Variants in IL1RAPL2 observed in about 807,000 individuals in gnomAD.
IL1RAPL2 encodes the protein X-linked interleukin-1 receptor accessory protein-like 2.
In IL1RAPL2, 3 loss-of-function variants were observed where a neutral mutation model predicts 44.1. That is an observed-to-expected ratio of 0.07 (90% confidence interval 0.03 to 0.18). The LOEUF (loss-of-function observed/expected upper bound fraction) is 0.18, where lower values mean the gene tolerates loss of function less well. IL1RAPL2 is among the 10% of genes least tolerant of loss of function. The probability of loss-of-function intolerance (pLI) is 1.00; values close to 1 mark genes in which losing one functional copy is unlikely to be tolerated. For synonymous variants in IL1RAPL2, 181 were observed against 178.8 expected (o/e 1.01, Z -0.10); for missense variants, 391 against 496.4 (o/e 0.79, Z 2.02).
rs1482006693 is a variant in IL1RAPL2 at position 105,724,649 on chromosome X, T to G, written c.902+7153T>G. Among the ~76,000 whole-genome samples, 3 of 112,061 alleles carry G rather than the reference T, an allele frequency of 2.7e-5. No homozygotes were observed. The Admixed American group carries it at 2.9e-4, about 11-fold the overall frequency. ...CAGAAGATATAATTTATAGAGATGGTAAAATAATTTTATGTGTGCAGTAAC... is the reference window on the plus strand; with the variant it reads ...CAGAAGATATAATTTATAGAGATGGGAAAATAATTTTATGTGTGCAGTAAC... On this transcript the variant is annotated intron_variant, in intron 7 of 10. Coordinates refer to ENST00000372582, the MANE Select transcript of IL1RAPL2 (RefSeq NM_017416.2).
rs904579246 is a variant in IL1RAPL2 at position 104,632,533 on chromosome X, A to G, written c.-19-26362A>G. On this transcript the variant is annotated intron_variant, in intron 1 of 10. Transcript: ENST00000372582. ...TTTATTTCCTTGAGCAGTGGTTTGT[A>G]GTTCTCCTTGAAGAGGTCCTTCACA... Among the ~76,000 whole-genome samples the G allele has an allele frequency of 1.2e-3, 128 of 109,203 alleles. 1 individual carries two copies. The highest frequency in any genetic ancestry group is 1.6e-3 in the Non-Finnish European group (86 of 52,412). The allele number at this position is 109,203 out of a possible 115,157, so 94.8% of individuals were successfully genotyped here.
chrX:105,090,584 A>G (rs1048077416), intron 2 of IL1RAPL2, among the ~76,000 whole-genome samples: 2 of 112,229 alleles, frequency 1.8e-5, no homozygotes, highest in Admixed American at 9.4e-5. Flanking sequence ...ATACATACAG[A>G]CATAGCAGGC....
At chrX:105,312,369 G>A (rs2034804789) in intron 5 of IL1RAPL2, among the ~76,000 whole-genome samples, 1 of 111,813 alleles carries the variant, frequency 8.9e-6, no homozygotes, top group African/African-American at 3.2e-5. Flanking sequence ...TGAATTATTT[G>A]TTGTTACGGC....
In IL1RAPL2 at chrX:105,127,706, C is replaced by G. The variant is rs376185101; in HGVS notation, c.83-67769C>G. ...AAATAATTTCTTCAGGTTTTTATAC[C>G]AAATCTGAACCTTGCCAAATAAGTT... On this transcript the variant is annotated intron_variant, in intron 2 of 10. Transcript: ENST00000372582. 3.8e-4 allele frequency among the ~76,000 whole-genome samples: 42 copies of G among 110,597 alleles called. 3 individuals carry two copies. Among genetic ancestry groups the G allele is most frequent in the Admixed American group, 2.7e-3 (28 of 10,374 alleles).
chrX:105,216,383 C>G (rs1231568184), intron 3 of IL1RAPL2, among the ~76,000 whole-genome samples: 1 of 110,484 alleles, frequency 9.1e-6, no homozygotes, highest in Non-Finnish European at 1.9e-5. Flanking sequence ...GAATAAAATA[C>G]CTAGGAATAC....
At chrX:104,788,368 G>T (rs1932809192) in intron 2 of IL1RAPL2, among the ~76,000 whole-genome samples, 1 of 111,606 alleles carries the variant, frequency 9.0e-6, no homozygotes, top group Non-Finnish European at 1.9e-5. Flanking sequence ...CTCTAAAGTG[G>T]GCCTGCCTTT....
intron 1 of IL1RAPL2, among the ~76,000 whole-genome samples, chrX:104,574,750 G>T (rs1416490937): frequency 9.0e-6 from 1 of 111,631 alleles, no homozygotes; most frequent in Non-Finnish European, 1.9e-5. Context: ...TATTGATATG[G>T]AAATATATCC....
At chrX:104,712,561 A>G (rs759116420) in intron 2 of IL1RAPL2, among the ~76,000 whole-genome samples, 1 of 111,042 alleles carries the variant, frequency 9.0e-6, no homozygotes, top group East Asian at 2.8e-4. Flanking sequence ...GTCCTTGTAA[A>G]TCCCTAGCCC....
At chrX:105,540,567 C>G (rs2043990081) in intron 6 of IL1RAPL2, among the ~76,000 whole-genome samples, 1 of 108,109 alleles carries the variant, frequency 9.2e-6, no homozygotes, top group South Asian at 3.9e-4. Flanking sequence ...CTCATGTAGT[C>G]CCATGACTTT....
At chrX:105,035,598 A>G (rs186634378) in intron 2 of IL1RAPL2, among the ~76,000 whole-genome samples, 5 of 112,466 alleles carry the variant, frequency 4.4e-5, no homozygotes, top group East Asian at 2.8e-4. Context: ...TTATTTGACT[A>G]TGGAACTCAC....
chrX:104,915,229 T>A (rs1167578131), intron 2 of IL1RAPL2, among the ~76,000 whole-genome samples: 1 of 111,076 alleles, frequency 9.0e-6, no homozygotes, highest in Non-Finnish European at 1.9e-5. Context: ...CAGCACCTGT[T>A]GTTTCCTGAC....
At position 105,655,533 on chromosome X, in the gene IL1RAPL2, T is replaced by C. The variant is rs147928274; in HGVS notation, c.773-61834T>C. ...AAATGTTATAAACAGTCTTAGCCTATTTTGCAATTATCTGTATTACTTGAA... is the reference window on the plus strand; with the variant it reads ...AAATGTTATAAACAGTCTTAGCCTACTTTGCAATTATCTGTATTACTTGAA... On this transcript the variant is annotated intron_variant, in intron 6 of 10. Transcript: ENST00000372582. Among the ~76,000 whole-genome samples the C allele has an allele frequency of 3.6e-3, 405 of 112,795 alleles. 8 individuals carry two copies. In the East Asian group the frequency reaches 0.092, roughly 26 times the overall value.
chrX:105,497,398 C>T (rs1322930193), intron 6 of IL1RAPL2, among the ~76,000 whole-genome samples: 1 of 110,433 alleles, frequency 9.1e-6, no homozygotes, highest in Non-Finnish European at 1.9e-5. Context: ...GTAATAAAAC[C>T]CCCCAACAAA....
At chrX:105,653,832 C>T (rs1325749927) in intron 6 of IL1RAPL2, among the ~76,000 whole-genome samples, 1 of 111,198 alleles carries the variant, frequency 9.0e-6, no homozygotes, top group Non-Finnish European at 1.9e-5. Context: ...TGTGTTTTTG[C>T]TTGTACATAT....
chrX:105,305,101 A>G (rs1180368113), intron 5 of IL1RAPL2, among the ~76,000 whole-genome samples: 1 of 111,720 alleles, frequency 9.0e-6, no homozygotes, highest in African/African-American at 3.3e-5. Flanking sequence ...TTAAACCATT[A>G]GAAGCCACCC....
At chrX:104,776,464 C>G (rs1932721548) in intron 2 of IL1RAPL2, among the ~76,000 whole-genome samples, 1 of 111,830 alleles carries the variant, frequency 8.9e-6, no homozygotes, top group Non-Finnish European at 1.9e-5. Flanking sequence ...GCTTTCTGTG[C>G]CTCAGTCTCC....
At chrX:104,874,952 A>G (rs903462543) in intron 2 of IL1RAPL2, among the ~76,000 whole-genome samples, 2 of 111,720 alleles carry the variant, frequency 1.8e-5, no homozygotes, top group Non-Finnish European at 3.8e-5. Context: ...GGGTATACTT[A>G]TGGGAGGCCC....
At chrX:105,545,623 A>G (rs1433563107) in intron 6 of IL1RAPL2, among the ~76,000 whole-genome samples, 1 of 111,912 alleles carries the variant, frequency 8.9e-6, no homozygotes, top group African/African-American at 3.3e-5. Context: ...TGAATATGTA[A>G]TTCTAGCCTT....
intron 5 of IL1RAPL2, among the ~76,000 whole-genome samples, chrX:105,398,640 A>G: frequency 9.0e-6 from 1 of 111,596 alleles, no homozygotes; most frequent in Non-Finnish European, 1.9e-5. Context: ...ATGAACCAAC[A>G]TGCTTTAGGA....
Sources: allele counts gnomAD v4.1 joint callset (sites outside exome capture counted in the v4.1 genomes callset), GRCh38; gene constraint gnomAD v4.1.1; transcripts MANE v1.5; gene names NCBI Gene and HGNC (gene_info 2026-07-23, HGNC 2026-07-21).